CCNC: variants seen among roughly 807,000 people sequenced by gnomAD.
CCNC encodes cyclin C, also known as cyclin-C.
A neutral mutation model predicts 50.0 loss-of-function variants in CCNC; 19 were observed. The observed-to-expected ratio is 0.38, with a 90% confidence interval of 0.27 to 0.56. CCNC has a LOEUF of 0.56. Among genes scored for constraint, CCNC ranks in the 20% least tolerant of loss-of-function variants. CCNC has a pLI of 0.72. For synonymous variants in CCNC, 93 were observed against 103.7 expected, an observed-to-expected ratio of 0.90 and a Z score of 0.63; for missense variants, 200 against 327.1, an observed-to-expected ratio of 0.61 and a Z score of 3.00.
At chr6:99,548,581 A>G (rs1462287260) in intron 9 of CCNC, among the ~76,000 whole-genome samples, 3 of 152,080 alleles carry the variant, frequency 2.0e-5, no homozygotes, top group Admixed American at 1.3e-4. Flanking sequence ...CTGAGAGGCC[A>G]AGGAGGGTGG....
At chr6:99,558,425 A>T in intron 5 of CCNC, 72 bp downstream of exon 5, 1 of 1,570,938 alleles carries the variant, frequency 6.4e-7, no homozygotes. Flanking sequence ...AAACTAAAAA[A>T]AAAAAAATCT....
Position 99,560,530 on chromosome 6 carries a change from CAACTCTAAGAATAG to C in CCNC, c.294+823_294+836del, listed in dbSNP as rs60336193. On this transcript the variant is annotated intron_variant, in intron 4 of 11. Transcript: ENST00000520429. ...AAATCACATTCAATATTCAAGAATA[CAACTCTAAGAATAG>C]AACTCTAAGACATTATCCAAAAATA... Among the ~76,000 whole-genome samples the C allele has an allele frequency of 2.1e-3, 317 of 152,236 alleles. 3 individuals carry two copies. Among genetic ancestry groups the C allele is most frequent in the African/African-American group, 6.3e-3 (260 of 41,550 alleles).
intron 8 of CCNC, among the ~76,000 whole-genome samples, chr6:99,549,989 TA>T (rs1178325849): frequency 1.3e-5 from 2 of 152,180 alleles, no homozygotes; most frequent in African/African-American, 2.4e-5. Context: ...GTGTTTTGTA[TA>T]AAATTAAATT....
At chr6:99,559,086 G>T (rs1196975470) in intron 4 of CCNC, among the ~76,000 whole-genome samples, 1 of 151,114 alleles carries the variant, frequency 6.6e-6, no homozygotes, top group African/African-American at 2.4e-5. Context: ...TATTAAGTAT[G>T]TTTCCTATTC....
chr6:99,561,905 A>C, intron 2 of CCNC: 1 of 291,176 alleles, frequency 3.4e-6, no homozygotes, highest in Non-Finnish European at 6.4e-6. Flanking sequence ...ACAACAAAAC[A>C]GAAATTGCCC....
intron 9 of CCNC, among the ~76,000 whole-genome samples, chr6:99,548,408 C>G (rs1283848920): frequency 6.6e-6 from 1 of 152,078 alleles, no homozygotes. Context: ...ATTTGTCAGC[C>G]CTGATGTAAG....
At chr6:99,551,988 C>A in intron 5 of CCNC, 93 bp from the exon 6 acceptor site, 3 of 790,060 alleles carry the variant, frequency 3.8e-6, no homozygotes, top group South Asian at 2.9e-5. Flanking sequence ...GAGGGTAGAG[C>A]AAAATTATTT....
At chr6:99,559,662 AT>A (rs111836201) in intron 4 of CCNC, among the ~76,000 whole-genome samples, 54,704 of 147,782 alleles carry the variant, frequency 0.37, 12,915 homozygotes, top group African/African-American at 0.69. Context: ...TAAAAAAAAA[AT>A]AATAATAATG....
intron 1 of CCNC, among the ~76,000 whole-genome samples, chr6:99,563,970 T>C (rs1388392483): frequency 1.3e-5 from 2 of 152,192 alleles, no homozygotes; most frequent in East Asian, 3.8e-4. Flanking sequence ...TTTGTAATTC[T>C]CCTTGCATAT....
intron 1 of CCNC, among the ~76,000 whole-genome samples, chr6:99,566,465 T>TA: frequency 6.6e-6 from 1 of 152,222 alleles, no homozygotes; most frequent in South Asian, 2.1e-4. Flanking sequence ...TGGATACCAA[T>TA]AAAGTATCCA....
At chr6:99,545,326 A>C (rs540615685) in intron 10 of CCNC, 96 bp from the exon 11 acceptor site, 1 of 670,910 alleles carries the variant, frequency 1.5e-6, no homozygotes, top group Admixed American at 2.2e-5. Flanking sequence ...AGAAAACAGT[A>C]AATAGTCTCT....
intron 1 of CCNC, among the ~76,000 whole-genome samples, chr6:99,567,231 GTC>G (rs1380693648): frequency 6.7e-6 from 1 of 150,100 alleles, no homozygotes; most frequent in East Asian, 2.0e-4. Flanking sequence ...TCAGCTACTT[GTC>G]AATTCTCTCA....
At chr6:99,545,058 T>C (rs910410909) in intron 11 of CCNC, 54 bp downstream of exon 11, 6 of 808,604 alleles carry the variant, frequency 7.4e-6, no homozygotes, top group African/African-American at 5.2e-5. Context: ...AAGAAAAATA[T>C]AGTAAGTATG....
intron 4 of CCNC, among the ~76,000 whole-genome samples, chr6:99,559,249 A>AAT (rs1490077201): frequency 1.3e-5 from 2 of 151,956 alleles, no homozygotes; most frequent in Non-Finnish European, 2.9e-5. Context: ...GGGAGACAGG[A>AAT]ATTACGTAAG....
chr6:99,547,325 A>T (rs1332254343), intron 9 of CCNC, among the ~76,000 whole-genome samples: 2 of 152,162 alleles, frequency 1.3e-5, no homozygotes, highest in Admixed American at 1.3e-4. Context: ...CAAATGACTG[A>T]CATGATAAAA....
intron 9 of CCNC, among the ~76,000 whole-genome samples, chr6:99,547,814 C>T (rs1432000047): frequency 6.6e-6 from 1 of 152,036 alleles, no homozygotes; most frequent in Admixed American, 6.6e-5. Flanking sequence ...GTGCTGGAGG[C>T]TAATAAGCCA....
At chr6:99,550,494 G>A in intron 7 of CCNC, 185 bp from the exon 8 acceptor site, 1 of 532,214 alleles carries the variant, frequency 1.9e-6, no homozygotes, top group Non-Finnish European at 3.3e-6. Context: ...TAATAGTGAA[G>A]GCAGTGCTCT....
intron 11 of CCNC, chr6:99,544,131 T>C (rs1485134250): frequency 1.4e-6 from 2 of 1,469,196 alleles, no homozygotes; most frequent in East Asian, 2.6e-5. Context: ...TGCTGAATAC[T>C]TAAAATAAAA....
chr6:99,566,502 G>A (rs1276036907), intron 1 of CCNC, among the ~76,000 whole-genome samples: 1 of 151,862 alleles, frequency 6.6e-6, no homozygotes, highest in Non-Finnish European at 1.5e-5. Flanking sequence ...TTTTATTTTT[G>A]TTACTTGTTC....
Sources: allele counts gnomAD v4.1 joint callset (sites outside exome capture counted in the v4.1 genomes callset), GRCh38; gene constraint gnomAD v4.1.1; transcripts MANE v1.5; gene names NCBI Gene and HGNC (gene_info 2026-07-23, HGNC 2026-07-21).